The following GUCA1C variants were observed in gnomAD, a reference collection of about 807,000 sequenced individuals.
GUCA1C encodes the protein guanylate cyclase activator 1C, also known as guanylyl cyclase-activating protein 3.
In GUCA1C, 15 loss-of-function variants were observed where a neutral mutation model predicts 16.2. That is an observed-to-expected ratio of 0.93 (90% CI 0.62 to 1.43). GUCA1C has a LOEUF of 1.43. GUCA1C is among the 40% of genes most tolerant of loss of function. The pLI is 0.00. For missense variants in GUCA1C, 275 were observed against 244.8 expected (o/e 1.12, Z -0.82); for synonymous variants, 78 against 85.4 (o/e 0.91, Z 0.48).
At chr3:108,913,102 G>C (rs111994970) in intron 3 of GUCA1C, among the ~76,000 whole-genome samples, 9 of 152,154 alleles carry the variant, frequency 5.9e-5, no homozygotes, top group African/African-American at 2.2e-4. Flanking sequence ...ATCAAATTGG[G>C]ATTTTCATAT....
intron 1 of GUCA1C, among the ~76,000 whole-genome samples, chr3:108,930,874 T>C (rs1335897094): frequency 1.3e-5 from 2 of 152,212 alleles, no homozygotes; most frequent in Non-Finnish European, 2.9e-5. Flanking sequence ...TATGTTATTA[T>C]AGGGTTGAAA....
At chr3:108,954,174 A>G (rs1946927323), upstream of GUCA1C, among the ~76,000 whole-genome samples, 1 of 152,200 alleles carries the variant, frequency 6.6e-6, no homozygotes, top group African/African-American at 2.4e-5. Context: ...CTTATTAACT[A>G]TATTGAAACA....
chr3:108,930,704 TCTAA>T (rs1235907427), intron 1 of GUCA1C, among the ~76,000 whole-genome samples: 3 of 152,196 alleles, frequency 2.0e-5, no homozygotes, highest in Non-Finnish European at 4.4e-5. Flanking sequence ...TAAGATTTCT[TCTAA>T]CAGATAGGAT....
intron 1 of GUCA1C, among the ~76,000 whole-genome samples, chr3:108,949,877 T>A (rs1946881271): frequency 6.6e-6 from 1 of 152,146 alleles, no homozygotes; most frequent in Admixed American, 6.5e-5. Context: ...ATCACATACT[T>A]ACCTTTTTTT....
intron 1 of GUCA1C, among the ~76,000 whole-genome samples, chr3:108,943,652 G>A (rs986287086): frequency 1.3e-5 from 2 of 152,118 alleles, no homozygotes; most frequent in Admixed American, 6.5e-5. Context: ...CGTAAAGGAG[G>A]ACTCAAAATA....
chr3:108,920,983 CT>C lies in GUCA1C; in HGVS notation c.205-399del, dbSNP rs1391793388. ...TCCATAGTTTACATTAGTGTCCACTCTTTGTATTTTACATTCTGCAAGTCTA... is the reference window on the plus strand; with the variant it reads ...TCCATAGTTTACATTAGTGTCCACTCTTGTATTTTACATTCTGCAAGTCTA... On this transcript the variant is annotated intron_variant, in intron 1 of 3. Transcript: ENST00000261047. 2.0e-5 allele frequency among the ~76,000 whole-genome samples: 3 copies of C among 152,162 alleles called. No individual in the cohort carries two copies. In the East Asian group the frequency reaches 5.8e-4, roughly 29 times the overall value.
chr3:108,949,561 T>C (rs1215237178), intron 1 of GUCA1C, among the ~76,000 whole-genome samples: 1 of 152,184 alleles, frequency 6.6e-6, no homozygotes, highest in Non-Finnish European at 1.5e-5. Context: ...ATTTGAATTC[T>C]AAAGTGAAGC....
chr3:108,932,767 C>T (rs1576551542), intron 1 of GUCA1C, among the ~76,000 whole-genome samples: 1 of 151,892 alleles, frequency 6.6e-6, no homozygotes, highest in Admixed American at 6.6e-5. Context: ...ACTAAACATA[C>T]AGAATTAGCC....
chr3:108,937,605 G>A (rs998733065), intron 1 of GUCA1C, among the ~76,000 whole-genome samples: 3 of 152,036 alleles, frequency 2.0e-5, no homozygotes, highest in Admixed American at 6.6e-5. Flanking sequence ...CATAATAAAC[G>A]TTATCATGAT....
chr3:108,935,952 G>A (rs1182401417), intron 1 of GUCA1C, among the ~76,000 whole-genome samples: 1 of 152,128 alleles, frequency 6.6e-6, no homozygotes, highest in African/African-American at 2.4e-5. Flanking sequence ...TTTGTAGGCA[G>A]GTACAAAGTT....
chr3:108,924,216 T>C (rs77068990), intron 1 of GUCA1C, among the ~76,000 whole-genome samples: 5,667 of 152,138 alleles, frequency 0.037, 224 homozygotes, highest in Admixed American at 0.12. Flanking sequence ...GTGGGCATCT[T>C]GTCTTATTCT....
At position 108,916,212 on chromosome 3, in the gene GUCA1C, C is replaced by T. The variant is rs138320383; in HGVS notation, c.357G>A (p.Ala119=). 59 of 1,604,164 alleles carry T rather than the reference C, an allele frequency of 3.7e-5. No individual in the cohort carries two copies. Among genetic ancestry groups the T allele is most frequent in the South Asian group, 2.5e-4 (22 of 88,600 alleles). Residue 119 remains alanine (A), a splice_region_variant and synonymous_variant, in exon 3 of 4, where the codon GCG becomes GCA. Transcript: ENST00000261047. ...DKNELLDMFM[A]VQALNGQQTL... ...TTTGCTGGCCATTGAGGGCTTGTAC[C>T]GCCTGCAAAAAGACATTAAATGAAA...
chr3:108,912,570 G>A (rs1204892128), intron 3 of GUCA1C, among the ~76,000 whole-genome samples: 1 of 151,686 alleles, frequency 6.6e-6, no homozygotes, highest in African/African-American at 2.4e-5. Context: ...AATACAGAAA[G>A]ATGTAAAGAA....
chr3:108,927,239 G>T (rs777506328), intron 1 of GUCA1C, among the ~76,000 whole-genome samples: 10 of 152,138 alleles, frequency 6.6e-5, no homozygotes, highest in Non-Finnish European at 2.9e-5. Context: ...AATTTCCCAG[G>T]TGATCTTTGA....
intron 3 of GUCA1C, 76 bp from the exon 4 acceptor site, chr3:108,908,285 G>T: frequency 1.9e-5 from 12 of 623,060 alleles, no homozygotes; most frequent in East Asian, 4.1e-5. Flanking sequence ...TCACTGGTAT[G>T]TTTATTGATA....
At chr3:108,933,087 A>C (rs984483873) in intron 1 of GUCA1C, among the ~76,000 whole-genome samples, 31 of 152,146 alleles carry the variant, frequency 2.0e-4, no homozygotes, top group Admixed American at 1.3e-4. Flanking sequence ...CACATATGTC[A>C]TACTCTTCCA....
At chr3:108,922,777 C>G (rs1166259674) in intron 1 of GUCA1C, among the ~76,000 whole-genome samples, 1 of 152,082 alleles carries the variant, frequency 6.6e-6, no homozygotes, top group Non-Finnish European at 1.5e-5. Context: ...CACCCATCAA[C>G]CCATCATCTA....
At chr3:108,932,924 C>CAAAAAA (rs57918246) in intron 1 of GUCA1C, among the ~76,000 whole-genome samples, 10 of 68,634 alleles carry the variant, frequency 1.5e-4, no homozygotes, top group Non-Finnish European at 1.9e-4. Flanking sequence ...AAAAAAATCT[C>CAAAAAA]AAAAAAAAAA....
chr3:108,948,535 C>T (rs1245691265), intron 1 of GUCA1C, among the ~76,000 whole-genome samples: 2 of 152,004 alleles, frequency 1.3e-5, no homozygotes, highest in Non-Finnish European at 2.9e-5. Context: ...TACTCCAGAG[C>T]TTCCTAAAAA....
Sources: allele counts gnomAD v4.1 joint callset (sites outside exome capture counted in the v4.1 genomes callset), GRCh38; gene constraint gnomAD v4.1.1; transcripts MANE v1.5; gene names NCBI Gene and HGNC (gene_info 2026-07-23, HGNC 2026-07-21).